Variants in CDKL5 observed in about 807,000 individuals in gnomAD.
CDKL5 encodes the protein cyclin dependent kinase like 5, also known as cyclin-dependent kinase-like 5.
CDKL5 carries 8 observed loss-of-function variants against 61.7 expected under a neutral mutation model. The ratio of observed to expected loss-of-function variants is 0.13; its 90% confidence interval spans 0.08 to 0.23. The LOEUF is 0.23. Among genes scored for constraint, CDKL5 ranks in the 10% least tolerant of loss-of-function variants. The pLI, the probability that CDKL5 is intolerant of heterozygous loss-of-function variation, is 1.00. For synonymous variants in CDKL5, 275 were observed against 272.3 expected, an observed-to-expected ratio of 1.01 and a Z score of -0.10; for missense variants, 440 against 734.5, an observed-to-expected ratio of 0.60 and a Z score of 4.63.
chrX:18,457,080 A>C (rs1932160034), intron 1 of CDKL5, among the ~76,000 whole-genome samples: 1 of 109,349 alleles, frequency 9.1e-6, no homozygotes, highest in African/African-American at 3.3e-5. Flanking sequence ...TCTAGTATAT[A>C]GTTTTCTAAG....
At chrX:18,619,507 A>G (rs1926823637) in intron 15 of CDKL5, among the ~76,000 whole-genome samples, 1 of 111,371 alleles carries the variant, frequency 9.0e-6, no homozygotes, top group South Asian at 3.8e-4. Context: ...GTAGGTGTTG[A>G]AAATGTTTTG....
Position 18,628,868 on chromosome X carries a change from GCTT to G in CDKL5, c.*112_*114del. On this transcript the variant is annotated 3_prime_UTR_variant, in exon 18 of 18. Coordinates refer to ENST00000623535, the MANE Select transcript of CDKL5 (RefSeq NM_001323289.2). ...GCCAAGTGGTGAGCCAATATTTTCA[GCTT>G]TATGAAGGTGTGTGCAATATTGCAT... is the stretch of plus-strand genomic sequence containing the variant. The G allele has an allele frequency of 9.2e-7, 1 of 1,084,484 alleles. No homozygotes were observed. Among genetic ancestry groups the G allele is most frequent in the Non-Finnish European group, 1.2e-6 (1 of 840,372 alleles). 89.4% of individuals were successfully genotyped at this position (1,084,484 alleles called of 1,213,427 possible).
At chrX:18,507,756 G>C (rs981315885) in intron 2 of CDKL5, among the ~76,000 whole-genome samples, 1 of 111,034 alleles carries the variant, frequency 9.0e-6, no homozygotes, top group Non-Finnish European at 1.9e-5. Flanking sequence ...TAGAGACTGG[G>C]TTTCACCATG....
intron 15 of CDKL5, among the ~76,000 whole-genome samples, chrX:18,617,537 C>T (rs200302301): frequency 1.8e-5 from 2 of 112,318 alleles, no homozygotes; most frequent in East Asian, 5.6e-4. Flanking sequence ...TTCCTTTATA[C>T]AACACAGCTT....
At chrX:18,476,296 A>G (rs1204900723) in intron 1 of CDKL5, among the ~76,000 whole-genome samples, 1 of 110,804 alleles carries the variant, frequency 9.0e-6, no homozygotes, top group Admixed American at 9.6e-5. Context: ...TTGCACTGCA[A>G]CCTTCGCCTC....
At chrX:18,533,143 C>T (rs1213220142) in intron 3 of CDKL5, among the ~76,000 whole-genome samples, 3 of 111,129 alleles carry the variant, frequency 2.7e-5, no homozygotes, top group Admixed American at 9.6e-5. Flanking sequence ...AATGATTTGC[C>T]GTACTGAAAG....
chrX:18,629,217 A>G lies in CDKL5; in HGVS notation c.*460A>G, dbSNP rs1422788882. 1.2e-5 allele frequency: 9 copies of G among 752,592 alleles called. No individual in the cohort carries two copies. The highest frequency in any genetic ancestry group is 1.4e-5 in the Non-Finnish European group (9 of 638,514). The allele number at this position is 752,592 out of a possible 1,213,427, so 62.0% of individuals were successfully genotyped here. A position where few individuals can be genotyped will look rare whatever the true frequency, so the allele number is the denominator to read the frequency against. On this transcript the variant is annotated 3_prime_UTR_variant, in exon 18 of 18. Coordinates refer to ENST00000623535, the MANE Select transcript of CDKL5 (RefSeq NM_001323289.2). ...TTGTAATCCAAGAGTATCCCTTTGA[A>G]GGGTTAGCAGATGAACTGTATGTCT...
intron 1 of CDKL5, among the ~76,000 whole-genome samples, chrX:18,485,640 C>T (rs1044663734): frequency 9.0e-5 from 10 of 111,707 alleles, no homozygotes; most frequent in Non-Finnish European, 1.5e-4. Context: ...ATTTTGTATG[C>T]ACAAAAAAGT....
At chrX:18,600,200 T>C (rs1309745619) in intron 11 of CDKL5, among the ~76,000 whole-genome samples, 1 of 111,918 alleles carries the variant, frequency 8.9e-6, no homozygotes, top group African/African-American at 3.3e-5. Flanking sequence ...TTATCGTATG[T>C]TTTCTCTGCT....
rs142943116 is a variant in CDKL5 at position 18,531,143 on chromosome X, A to G, written c.99+20289A>G. Among the ~76,000 whole-genome samples the G allele has an allele frequency of 2.1e-3, 234 of 112,233 alleles. 1 individual carries two copies. The highest frequency in any genetic ancestry group is 7.1e-3 in the African/African-American group (221 of 30,932). ...TCCTTTTCTTCTGTTAGATGAAACA[A>G]GAAGGCTAGAGGGACTGTCTTTGGC... is the stretch of plus-strand genomic sequence containing the variant. On this transcript the variant is annotated intron_variant, in intron 3 of 17. Transcript: ENST00000623535.
chrX:18,492,911 C>T (rs1922043632), intron 1 of CDKL5, among the ~76,000 whole-genome samples: 1 of 111,605 alleles, frequency 9.0e-6, no homozygotes, highest in Admixed American at 9.5e-5. Flanking sequence ...CAAAACCCTC[C>T]TGTAAGTCCT....
At chrX:18,452,575 G>A (rs1029147459) in intron 1 of CDKL5, among the ~76,000 whole-genome samples, 7 of 108,512 alleles carry the variant, frequency 6.5e-5, no homozygotes, top group African/African-American at 2.0e-4. Context: ...ACAGGCACAC[G>A]CTACCACGCC....
intron 1 of CDKL5, among the ~76,000 whole-genome samples, chrX:18,473,765 G>A (rs1360035643): frequency 1.9e-5 from 2 of 105,212 alleles, no homozygotes; most frequent in African/African-American, 7.0e-5. Context: ...AGGCTAGAGT[G>A]CAGTGGCGCC....
intron 3 of CDKL5, among the ~76,000 whole-genome samples, chrX:18,531,110 C>G (rs938008506): frequency 3.6e-5 from 4 of 112,015 alleles, no homozygotes; most frequent in Non-Finnish European, 5.6e-5. Flanking sequence ...TCCAGCCACC[C>G]CTTCCCCTCC....
At chrX:18,493,686 A>G (rs1334422062) in intron 1 of CDKL5, among the ~76,000 whole-genome samples, 1 of 111,545 alleles carries the variant, frequency 9.0e-6, no homozygotes, top group Non-Finnish European at 1.9e-5. Context: ...GTTGAGGACA[A>G]TAACTCAGAC....
intron 21 of CDKL5, among the ~76,000 whole-genome samples, chrX:18,651,264 TGA>T (rs1191836877): frequency 0.16 from 10,932 of 68,461 alleles, 679 homozygotes; most frequent in Middle Eastern, 0.22. Context: ...TGTGTGTGTG[TGA>T]GAGAGAGAGA....
chrX:18,631,435 A>G lies in CDKL5; in HGVS notation c.*2678A>G, dbSNP rs768486937. ...CTTCCTGCTCACGGAGGGGGATGCA[A>G]AAGTTTTCTCTCACACCTAATGGGC... is the stretch of plus-strand genomic sequence containing the variant. On this transcript the variant is annotated 3_prime_UTR_variant, in exon 18 of 18. Transcript: ENST00000623535. The G allele has an allele frequency of 1.3e-4, 101 of 752,607 alleles. No homozygotes were observed. In the South Asian group the frequency reaches 6.1e-3, roughly 46 times the overall value. The allele number at this position is 752,607 out of a possible 1,213,427, so 62.0% of individuals were successfully genotyped here. A position where few individuals can be genotyped will look rare whatever the true frequency, so the allele number is the denominator to read the frequency against.
At chrX:18,435,630 G>A (rs1569182205) in intron 1 of CDKL5, among the ~76,000 whole-genome samples, 2 of 111,212 alleles carry the variant, frequency 1.8e-5, no homozygotes, top group East Asian at 5.6e-4. Flanking sequence ...GCAGTGGTGC[G>A]ATCTTGGCTC....
intron 20 of CDKL5, chrX:18,650,063 C>T (rs1412470257): frequency 3.4e-6 from 1 of 292,791 alleles, no homozygotes; most frequent in Non-Finnish European, 6.2e-6. Flanking sequence ...CTCTCCCAGT[C>T]ACCTTATTCT....
Sources: allele counts gnomAD v4.1 joint callset (sites outside exome capture counted in the v4.1 genomes callset), GRCh38; gene constraint gnomAD v4.1.1; transcripts MANE v1.5; gene names NCBI Gene and HGNC (gene_info 2026-07-23, HGNC 2026-07-21).